Variants in MYH10 observed in about 807,000 individuals in gnomAD.
The protein encoded by MYH10 is myosin heavy chain 10, also known as myosin-10.
Under a neutral mutation model 257.8 loss-of-function variants are expected in MYH10, and 55 were observed. The observed-to-expected ratio is 0.21, with a 90% CI of 0.17 to 0.27. MYH10 has a LOEUF of 0.27. Ranked by LOEUF, MYH10 falls within the 10% of genes least tolerant of loss-of-function variation. MYH10 has a pLI of 1.00. For synonymous variants in MYH10, 854 were observed against 921.7 expected (o/e 0.93, Z 1.33); for missense variants, 1,631 against 2,500.6 (o/e 0.65, Z 7.42).
At chr17:8,503,439 A>G (rs992015069) in intron 28 of MYH10, among the ~76,000 whole-genome samples, 41 of 152,136 alleles carry the variant, frequency 2.7e-4, no homozygotes, top group Non-Finnish European at 3.7e-4. Flanking sequence ...GTACATATTC[A>G]TGGCTAGGAT....
At chr17:8,551,305 A>ATTTT (rs2082636659) in intron 9 of MYH10, among the ~76,000 whole-genome samples, 1 of 151,406 alleles carries the variant, frequency 6.6e-6, no homozygotes, top group Non-Finnish European at 1.5e-5. Flanking sequence ...TTGTTGCTTG[A>ATTTT]TTTTTCCCTT....
At chr17:8,621,251 G>T (rs958299370) in intron 2 of MYH10, among the ~76,000 whole-genome samples, 1 of 151,992 alleles carries the variant, frequency 6.6e-6, no homozygotes, top group African/African-American at 2.4e-5. Flanking sequence ...CTTACATGTC[G>T]ACATTACAAT....
At chr17:8,548,195 T>C (rs953603978) in intron 11 of MYH10, 118 bp downstream of exon 11, 3 of 660,514 alleles carry the variant, frequency 4.5e-6, no homozygotes, top group African/African-American at 3.7e-5. Flanking sequence ...GTTGTCACTC[T>C]ACTCAAGGGT....
chr17:8,547,492 C>T (rs1414433102), intron 11 of MYH10, among the ~76,000 whole-genome samples: 1 of 151,792 alleles, frequency 6.6e-6, no homozygotes, highest in African/African-American at 2.4e-5. Context: ...GAGGCAGGCC[C>T]CTTAGAAGAG....
chr17:8,527,579 G>C (rs940510771), intron 17 of MYH10, among the ~76,000 whole-genome samples: 2 of 152,220 alleles, frequency 1.3e-5, no homozygotes, highest in African/African-American at 4.8e-5. Context: ...GTTAAGGAAA[G>C]CCAAGGAAAT....
At chr17:8,553,373 T>C (rs992799416) in intron 8 of MYH10, among the ~76,000 whole-genome samples, 1 of 152,228 alleles carries the variant, frequency 6.6e-6, no homozygotes, top group African/African-American at 2.4e-5. Flanking sequence ...TCTATCTTTC[T>C]AATTGGCACA....
chr17:8,613,664 A>T (rs975878365), intron 2 of MYH10, among the ~76,000 whole-genome samples: 1 of 152,254 alleles, frequency 6.6e-6, no homozygotes, highest in African/African-American at 2.4e-5. Context: ...AAATAAACAT[A>T]GAGCGGGTAG....
chr17:8,521,066 T>C (rs747631598), intron 18 of MYH10, 26 bp downstream of exon 18: 18 of 1,613,580 alleles, frequency 1.1e-5, no homozygotes, highest in Non-Finnish European at 1.4e-5. Context: ...TTTTAAATAC[T>C]AGCATATGTT....
At chr17:8,578,357 C>T (rs766324913) in intron 4 of MYH10, among the ~76,000 whole-genome samples, 5 of 151,786 alleles carry the variant, frequency 3.3e-5, no homozygotes, top group Admixed American at 6.6e-5. Flanking sequence ...ATTCTCCTGC[C>T]TCAGCTTCCC....
At position 8,535,535 on chromosome 17, in the gene MYH10, G is replaced by A; in HGVS notation, c.1780-34C>T. 2.6e-6 allele frequency: 4 copies of A among 1,552,142 alleles called. No homozygotes were observed. The highest frequency in any genetic ancestry group is 3.5e-6 in the Non-Finnish European group (4 of 1,137,166). On this transcript the variant is annotated intron_variant, in intron 15 of 42. Coordinates refer to ENST00000360416, the MANE Select transcript of MYH10 (RefSeq NM_001256012.3). The surrounding 1 kb of genome is among the most constrained non-coding windows in gnomAD (Gnocchi z 4.3). ...CACCAAAGCCAAAAGTGGTGAAATG[G>A]AGAACACAAAACCAAATGCAAAAAC...
intron 17 of MYH10, among the ~76,000 whole-genome samples, chr17:8,523,784 GGGAGGACT>G (rs1479801537): frequency 6.6e-6 from 1 of 152,200 alleles, no homozygotes; most frequent in African/African-American, 2.4e-5. Context: ...GTATTTTAGT[GGGAGGACT>G]GGCTTGCTCT....
At chr17:8,522,304 T>C (rs2151905880) in intron 17 of MYH10, among the ~76,000 whole-genome samples, 1 of 152,328 alleles carries the variant, frequency 6.6e-6, no homozygotes, top group South Asian at 2.1e-4. Flanking sequence ...CTCATTCAAT[T>C]ATCAATTTCC....
Position 8,499,387 on chromosome 17 carries a change from C to T in MYH10, c.3834G>A (p.Lys1278=), listed in dbSNP as rs755342343. Residue 1278 remains lysine (K), a synonymous_variant, in exon 30 of 43, where the codon AAG becomes AAA. Coordinates refer to ENST00000360416, the MANE Select transcript of MYH10 (RefSeq NM_001256012.3). ...ACEVKVLQQV[K]AESEHKRKKL... is the part of the protein sequence containing the mutation. ...TCTTCCTCTTGTGCTCAGACTCAGC[C>T]TTGACCTGCTGCAGGACCTTCACCT... 4 of 1,614,124 alleles carry T rather than the reference C, an allele frequency of 2.5e-6. No homozygotes were observed. Among genetic ancestry groups the T allele is most frequent in the East Asian group, 4.5e-5 (2 of 44,890 alleles).
chr17:8,504,808 T>C lies in MYH10; in HGVS notation c.3485A>G (p.Lys1162Arg). ...CTTTTCGGCCTTGTTCCGTGAAGCC[T>C]TCTCGGATTCAAAGTCTTCCTGAAG... ...AELQEDFESE[K>R]ASRNKAEKQK... The change falls in exon 28 of 43, where the codon AAG (lysine) becomes AGG (arginine). Residue 1162 changes from lysine (K) to arginine (R), a missense_variant. By Grantham distance (26) the Lys-to-Arg change is conservative. This residue lies in a region of MYH10 where 169 missense variants were observed against 249.8 expected (regional missense o/e 0.68). Coordinates refer to ENST00000360416, the MANE Select transcript of MYH10 (RefSeq NM_001256012.3). The surrounding 1 kb of genome is among the most constrained non-coding windows in gnomAD (Gnocchi z 5.6). 1 of 1,614,208 alleles carries C rather than the reference T, an allele frequency of 6.2e-7. No homozygotes were observed. Among genetic ancestry groups the C allele is most frequent in the East Asian group, 2.2e-5 (1 of 44,880 alleles).
At chr17:8,567,598 A>C (rs888686187) in intron 7 of MYH10, among the ~76,000 whole-genome samples, 1 of 152,070 alleles carries the variant, frequency 6.6e-6, no homozygotes, top group African/African-American at 2.4e-5. Context: ...ATTAGGGTGC[A>C]CCCTACTTCA....
intron 7 of MYH10, among the ~76,000 whole-genome samples, chr17:8,557,767 A>G (rs575867342): frequency 7.2e-5 from 11 of 152,348 alleles, no homozygotes; most frequent in East Asian, 3.9e-4. Flanking sequence ...CTGATGCTAC[A>G]TAAGTTATCA....
At chr17:8,561,643 TAAA>T (rs35474546) in intron 7 of MYH10, 1,567 of 545,748 alleles carry the variant, frequency 2.9e-3, no homozygotes, top group Middle Eastern at 5.6e-3. Flanking sequence ...AAATTGTACT[TAAA>T]AAAAAAAAAA....
At chr17:8,627,056 T>C (rs1293424010) in intron 1 of MYH10, among the ~76,000 whole-genome samples, 2 of 152,232 alleles carry the variant, frequency 1.3e-5, no homozygotes, top group African/African-American at 4.8e-5. Flanking sequence ...TAATTTAGTA[T>C]TTTAAAAAAC....
intron 25 of MYH10, among the ~76,000 whole-genome samples, chr17:8,508,905 C>T (rs759239100): frequency 4.6e-5 from 7 of 152,172 alleles, no homozygotes; most frequent in African/African-American, 1.2e-4. Context: ...AAAACTTCAT[C>T]GAGAGCTGTC....
Sources: gnomAD v4.1 joint callset for allele counts (sites outside exome capture counted in the v4.1 genomes callset) on GRCh38, gnomAD v4.1.1 for gene constraint, gnomAD v4.1.1 regional missense constraint, Gnocchi (gnomAD v3.1) non-coding constraint, MANE v1.5 for transcripts, NCBI Gene and HGNC (gene_info 2026-07-23, HGNC 2026-07-21) for gene names.